RBFOX1: variants seen among roughly 807,000 people sequenced by gnomAD.
The protein encoded by RBFOX1 is RNA binding fox-1 homolog 1, also known as RNA binding protein fox-1 homolog 1.
A neutral mutation model predicts 57.7 loss-of-function variants in RBFOX1; 8 were observed. The observed-to-expected ratio is 0.14, with a 90% CI of 0.08 to 0.25. RBFOX1 has a LOEUF of 0.25. Among genes scored for constraint, RBFOX1 ranks in the 10% least tolerant of loss-of-function variants. The pLI is 1.00. For synonymous variants in RBFOX1, 326 were observed against 222.4 expected, an observed-to-expected ratio of 1.47 and a Z score of -4.15; for missense variants, 611 against 548.5, an observed-to-expected ratio of 1.11 and a Z score of -1.14.
chr16:5,276,669 G>C (rs2063149572), intron 1 of RBFOX1, among the ~76,000 whole-genome samples: 1 of 152,176 alleles, frequency 6.6e-6, no homozygotes, highest in Non-Finnish European at 1.5e-5. Flanking sequence ...TGTAATCCCA[G>C]CTACTCAGGC....
rs184479033 is a variant in RBFOX1, at chr16:6,489,880, G to A, written c.-63-164723G>A. On this transcript the variant is annotated intron_variant, in intron 2 of 15. Coordinates refer to ENST00000550418, the MANE Select transcript of RBFOX1 (RefSeq NM_018723.4). The stretch of plus-strand genomic sequence containing the variant: ...CAGGAGGGCACAATTTGCAGGATGA[G>A]TGATCTCCATTTTATCCCCTACTTA... Among the ~76,000 whole-genome samples the A allele has an allele frequency of 2.5e-3, 382 of 152,312 alleles. 2 individuals carry two copies. The highest frequency in any genetic ancestry group is 3.8e-3 in the Admixed American group (58 of 15,290).
intron 1 of RBFOX1, among the ~76,000 whole-genome samples, chr16:5,397,388 C>G (rs1344070864): frequency 2.0e-5 from 3 of 152,188 alleles, no homozygotes; most frequent in African/African-American, 7.2e-5. Flanking sequence ...CAGGATCAGG[C>G]AGCCACCTGG....
chr16:7,469,226 A>ATT lies in RBFOX1; in HGVS notation c.28-48912_28-48911dup, dbSNP rs56313692. ...TGGGATTACAAGCGTGAGCCACCTA[A>ATT]TTTTTTTTTTAATTCTTAGTAGAGA... On this transcript the variant is annotated intron_variant, in intron 4 of 15. Transcript: ENST00000550418. Among the ~76,000 whole-genome samples the ATT allele has an allele frequency of 1.5e-3, 229 of 150,338 alleles. 1 individual carries two copies. Among genetic ancestry groups the ATT allele is most frequent in the African/African-American group, 5.1e-3 (210 of 40,908 alleles).
chr16:6,439,464 G>C (rs543496974), intron 2 of RBFOX1, among the ~76,000 whole-genome samples: 2 of 152,226 alleles, frequency 1.3e-5, no homozygotes, highest in Admixed American at 1.3e-4. Flanking sequence ...GCAAGTGATG[G>C]GATTGTCGAG....
chr16:6,707,181 T>G (rs2062900745), intron 3 of RBFOX1, among the ~76,000 whole-genome samples: 1 of 152,206 alleles, frequency 6.6e-6, no homozygotes. Flanking sequence ...ACTATTTTGT[T>G]AACATGTCGT....
chr16:7,521,466 G>T (rs2077497693), intron 5 of RBFOX1, among the ~76,000 whole-genome samples: 1 of 152,182 alleles, frequency 6.6e-6, no homozygotes, highest in South Asian at 2.1e-4. Context: ...ATTTAATCTA[G>T]TTGGGGAGCT....
intron 3 of RBFOX1, among the ~76,000 whole-genome samples, chr16:5,702,156 A>T (rs1298252988): frequency 6.6e-6 from 1 of 152,208 alleles, no homozygotes; most frequent in Non-Finnish European, 1.5e-5. Context: ...TGGGTAATTT[A>T]TGAAGAAAAG....
chr16:6,567,694 G>A (rs187322438), intron 2 of RBFOX1, among the ~76,000 whole-genome samples: 39 of 152,302 alleles, frequency 2.6e-4, no homozygotes, highest in Admixed American at 2.1e-3. Flanking sequence ...AAATGTCAGT[G>A]GATGGATGCC....
intron 2 of RBFOX1, among the ~76,000 whole-genome samples, chr16:6,439,463 G>A (rs1052869951): frequency 5.3e-5 from 8 of 152,154 alleles, no homozygotes; most frequent in African/African-American, 1.9e-4. Flanking sequence ...GGCAAGTGAT[G>A]GGATTGTCGA....
intron 3 of RBFOX1, among the ~76,000 whole-genome samples, chr16:6,754,211 C>T (rs927199769): frequency 1.3e-5 from 2 of 152,162 alleles, no homozygotes; most frequent in African/African-American, 2.4e-5. Context: ...AGGAAAGTGT[C>T]TATGCTCTGG....
chr16:6,570,093 G>T (rs564194221), intron 2 of RBFOX1, among the ~76,000 whole-genome samples: 2 of 152,132 alleles, frequency 1.3e-5, no homozygotes, highest in Non-Finnish European at 2.9e-5. Context: ...TGACAGTGCC[G>T]TTTAAATAAT....
At chr16:6,128,602 A>C (rs1032963640) in intron 1 of RBFOX1, among the ~76,000 whole-genome samples, 4 of 152,168 alleles carry the variant, frequency 2.6e-5, no homozygotes, top group Admixed American at 2.0e-4. Flanking sequence ...GAGTTCTGGG[A>C]TTCTGAAGTG....
intron 1 of RBFOX1, among the ~76,000 whole-genome samples, chr16:6,195,575 C>T (rs1215124089): frequency 2.6e-5 from 4 of 151,970 alleles, no homozygotes; most frequent in Admixed American, 2.6e-4. Flanking sequence ...AAAAATTAGC[C>T]AGGCGTGGTG....
At chr16:5,366,181 A>G in intron 1 of RBFOX1, 1 of 421,660 alleles carries the variant, frequency 2.4e-6, no homozygotes, top group Non-Finnish European at 4.6e-6. Flanking sequence ...GACGAAGACA[A>G]AGATATGAAA....
intron 9 of RBFOX1, among the ~76,000 whole-genome samples, chr16:7,605,266 C>T (rs774114182): frequency 2.0e-5 from 3 of 152,028 alleles, no homozygotes; most frequent in Admixed American, 6.6e-5. Flanking sequence ...TTTATTTTTA[C>T]GTCACTATAG....
intron 2 of RBFOX1, among the ~76,000 whole-genome samples, chr16:6,620,558 T>A (rs2154039737): frequency 6.6e-6 from 1 of 152,142 alleles, no homozygotes; most frequent in Non-Finnish European, 1.5e-5. Flanking sequence ...ATCCGGGAGC[T>A]ATTTTTTTTT....
intron 4 of RBFOX1, among the ~76,000 whole-genome samples, chr16:7,191,800 G>C (rs2152637983): frequency 6.6e-6 from 1 of 152,316 alleles, no homozygotes; most frequent in Admixed American, 6.5e-5. Flanking sequence ...GTGGACAACT[G>C]TAAGCATAGC....
intron 3 of RBFOX1, among the ~76,000 whole-genome samples, chr16:6,940,296 T>C (rs555826253): frequency 7.9e-5 from 12 of 152,322 alleles, no homozygotes; most frequent in African/African-American, 2.9e-4. Flanking sequence ...AGGAAGGGGC[T>C]GCTGTGAGTT....
chr16:7,447,081 G>A (rs917525952), intron 4 of RBFOX1, among the ~76,000 whole-genome samples: 10 of 151,954 alleles, frequency 6.6e-5, no homozygotes, highest in African/African-American at 2.4e-4. Flanking sequence ...CAAAGTGCTG[G>A]GATTACAGGC....
Sources: gnomAD v4.1 joint callset for allele counts (sites outside exome capture counted in the v4.1 genomes callset) on GRCh38, gnomAD v4.1.1 for gene constraint, MANE v1.5 for transcripts, NCBI Gene and HGNC (gene_info 2026-07-23, HGNC 2026-07-21) for gene names.